The following VPS13B variants were observed in gnomAD, a reference collection of about 807,000 sequenced individuals.
VPS13B encodes vacuolar protein sorting 13 homolog B.
Under a neutral mutation model 426.4 loss-of-function variants are expected in VPS13B, and 285 were observed. The observed-to-expected ratio is 0.67, with a 90% confidence interval of 0.61 to 0.74. The LOEUF (loss-of-function observed/expected upper bound fraction) is 0.74. Ranked by LOEUF, VPS13B falls within the 30% of genes least tolerant of loss-of-function variation. The pLI is 0.00. For missense variants in VPS13B, 4,537 were observed against 4,782.6 expected, an observed-to-expected ratio of 0.95 and a Z score of 1.51; for synonymous variants, 1,676 against 1,676.4, an observed-to-expected ratio of 1.00 and a Z score of 0.01.
chr8:99,329,181 C>T (rs1407478961), intron 19 of VPS13B, among the ~76,000 whole-genome samples: 1 of 152,004 alleles, frequency 6.6e-6, no homozygotes, highest in Non-Finnish European at 1.5e-5. Flanking sequence ...TGTTATCTTT[C>T]CAGTTTTTAT....
At chr8:99,305,726 A>G (rs955552775) in intron 19 of VPS13B, among the ~76,000 whole-genome samples, 2 of 152,106 alleles carry the variant, frequency 1.3e-5, no homozygotes, top group Admixed American at 6.6e-5. Context: ...AATCTTTGGT[A>G]AAAGTTACAT....
intron 19 of VPS13B, among the ~76,000 whole-genome samples, chr8:99,332,381 T>A (rs889152317): frequency 6.6e-6 from 1 of 151,728 alleles, no homozygotes; most frequent in African/African-American, 2.4e-5. Flanking sequence ...TTATAGTTAC[T>A]ATATTAATCT....
chr8:99,651,142 A>G (rs1336987754), intron 34 of VPS13B, among the ~76,000 whole-genome samples: 35 of 152,168 alleles, frequency 2.3e-4, no homozygotes, highest in Admixed American at 2.2e-3. Flanking sequence ...AAACATATAC[A>G]TTTAAAAACG....
chr8:99,373,338 A>G lies in VPS13B; in HGVS notation c.2825-10870A>G, dbSNP rs528057210. ...AACTTGAAGTAAAATTAAAAAAAAA[A>G]AAAGAAAAAGAAGTTCTGAGCTTTT... is the stretch of plus-strand genomic sequence containing the variant. On this transcript the variant is annotated intron_variant, in intron 19 of 61. Coordinates refer to ENST00000357162, the MANE Select transcript of VPS13B (RefSeq NM_152564.5). Among the ~76,000 whole-genome samples, 839 of 152,138 alleles carry G rather than the reference A, an allele frequency of 5.5e-3. 9 individuals are homozygous for G. The highest frequency in any genetic ancestry group is 0.019 in the African/African-American group (806 of 41,488).
chr8:99,621,903 G>A (rs112159951), intron 33 of VPS13B, among the ~76,000 whole-genome samples: 204 of 132,582 alleles, frequency 1.5e-3, no homozygotes, highest in African/African-American at 5.5e-3. Context: ...GCACAATCTC[G>A]ACTCACTGCA....
intron 33 of VPS13B, among the ~76,000 whole-genome samples, chr8:99,596,122 A>AGTTG (rs1371528184): frequency 6.6e-6 from 1 of 151,962 alleles, no homozygotes. Context: ...AAATTCTGAG[A>AGTTG]GTTGAATAGA....
At chr8:99,510,401 C>T (rs542144316) in intron 28 of VPS13B, among the ~76,000 whole-genome samples, 40 of 152,302 alleles carry the variant, frequency 2.6e-4, no homozygotes, top group Non-Finnish European at 4.1e-4. Flanking sequence ...CCTGAGTAAA[C>T]AACCCTTCTG....
At chr8:99,024,980 AT>A (rs902259441) in intron 2 of VPS13B, among the ~76,000 whole-genome samples, 1 of 150,516 alleles carries the variant, frequency 6.6e-6, no homozygotes. Flanking sequence ...GTGTCCTGTC[AT>A]TTTTTTTTGT....
intron 21 of VPS13B, among the ~76,000 whole-genome samples, chr8:99,422,712 A>G (rs1025927432): frequency 6.6e-6 from 1 of 152,224 alleles, no homozygotes. Context: ...TAAAAAATAC[A>G]ATAAGTAATT....
At chr8:99,668,932 C>T (rs879504514) in intron 35 of VPS13B, among the ~76,000 whole-genome samples, 7 of 152,148 alleles carry the variant, frequency 4.6e-5, no homozygotes, top group Admixed American at 4.6e-4. Context: ...CCTCAGCTGA[C>T]ATGAGCTCTA....
At chr8:99,524,476 G>T (rs1822542037) in intron 30 of VPS13B, among the ~76,000 whole-genome samples, 1 of 152,108 alleles carries the variant, frequency 6.6e-6, no homozygotes, top group Non-Finnish European at 1.5e-5. Context: ...GATCCTAAAA[G>T]AAGCAAGCAA....
At chr8:99,315,333 CTCTCT>C (rs970509795) in intron 19 of VPS13B, among the ~76,000 whole-genome samples, 65 of 71,062 alleles carry the variant, frequency 9.1e-4, no homozygotes, top group African/African-American at 3.9e-3. Context: ...TAAATTCTCT[CTCTCT>C]TTTTTTTTTT....
At chr8:99,718,707 C>A (rs1407269239) in intron 37 of VPS13B, among the ~76,000 whole-genome samples, 2 of 149,660 alleles carry the variant, frequency 1.3e-5, no homozygotes, top group African/African-American at 4.9e-5. Flanking sequence ...CATTTTGTTG[C>A]ACATCCTGAA....
intron 17 of VPS13B, among the ~76,000 whole-genome samples, chr8:99,201,039 T>C (rs1209355742): frequency 5.3e-5 from 8 of 152,218 alleles, no homozygotes; most frequent in African/African-American, 1.9e-4. Context: ...CTTGGTCTTA[T>C]TCTTTAGCTT....
intron 54 of VPS13B, among the ~76,000 whole-genome samples, chr8:99,848,482 CCA>C (rs374505353): frequency 2.4e-4 from 36 of 152,242 alleles, no homozygotes; most frequent in African/African-American, 8.7e-4. Context: ...GAACTCCAGC[CCA>C]CACAGAGTTA....
intron 21 of VPS13B, among the ~76,000 whole-genome samples, chr8:99,417,674 T>G (rs1422709451): frequency 6.6e-6 from 1 of 152,184 alleles, no homozygotes; most frequent in East Asian, 1.9e-4. Flanking sequence ...CATTCATATC[T>G]TTACTTTGCT....
intron 35 of VPS13B, among the ~76,000 whole-genome samples, chr8:99,675,027 CA>C (rs1257306839): frequency 1.3e-5 from 2 of 150,930 alleles, no homozygotes; most frequent in African/African-American, 4.9e-5. Flanking sequence ...ATATTTTTAC[CA>C]GTGAGTTTTA....
intron 39 of VPS13B, among the ~76,000 whole-genome samples, chr8:99,725,197 T>C (rs576749882): frequency 1.3e-5 from 2 of 152,240 alleles, no homozygotes; most frequent in African/African-American, 4.8e-5. Flanking sequence ...CTTGAACTTA[T>C]GTGTCCCCAT....
rs1020906206 is a variant in VPS13B at position 99,121,305 on chromosome 8, A to G, written c.1066A>G (p.Ile356Val). 2.5e-6 allele frequency: 4 copies of G among 1,614,064 alleles called. No homozygotes were observed. Among genetic ancestry groups the G allele is most frequent in the South Asian group, 1.1e-5 (1 of 91,082 alleles). ...VSWAWSFVPA[I>V]VSYDDGEEDF... ...ATGGGCCTGGTCCTTTGTGCCTGCA[A>G]TTGTGAGTTATGACGATGGCGAGGA... Residue 356 changes from isoleucine (I) to valine (V), a missense_variant, in exon 8 of 62, where the codon ATT (isoleucine) becomes GTT (valine). This residue lies in a region of VPS13B where 4,311 missense variants were observed against 4,474.3 expected (regional missense o/e 0.96). Transcript: ENST00000357162.
Sources: allele counts gnomAD v4.1 joint callset (sites outside exome capture counted in the v4.1 genomes callset), GRCh38; gene constraint gnomAD v4.1.1; regional missense constraint gnomAD v4.1.1; transcripts MANE v1.5; gene names NCBI Gene and HGNC (gene_info 2026-07-23, HGNC 2026-07-21).